CELSR2: variants seen among roughly 807,000 people sequenced by gnomAD.
CELSR2 encodes the protein EGF-like protein 2.
In CELSR2, 81 loss-of-function variants were observed where a neutral mutation model predicts 251.6. The observed-to-expected ratio is 0.32, with a 90% CI of 0.27 to 0.39. The LOEUF (loss-of-function observed/expected upper bound fraction) is 0.39, where lower values mean the gene tolerates loss of function less well. Among genes scored for constraint, CELSR2 ranks in the 10% least tolerant of loss-of-function variants. The pLI, the probability that CELSR2 is intolerant of heterozygous loss-of-function variation, is 1.00. For missense variants in CELSR2, 3,365 were observed against 3,947.7 expected, an observed-to-expected ratio of 0.85 and a Z score of 3.96; for synonymous variants, 1,721 against 1,670.5, an observed-to-expected ratio of 1.03 and a Z score of -0.74.
In CELSR2 at chr1:109,251,635, C is replaced by A; in HGVS notation, c.1556C>A (p.Pro519His). 1 of 1,613,848 alleles carries A rather than the reference C, an allele frequency of 6.2e-7. No homozygotes were observed. Among genetic ancestry groups the A allele is most frequent in the Non-Finnish European group, 8.5e-7 (1 of 1,179,892 alleles). Reference sequence around the variant, plus strand: ...CAGGCTACTGTCCTGGAGAGTGTCCCCTTAGGCTACCTGGTTCTCCATGTC... The same window carrying A: ...CAGGCTACTGTCCTGGAGAGTGTCCACTTAGGCTACCTGGTTCTCCATGTC... ...PFQATVLESVPLGYLVLHVQA... is the reference protein window; with the variant it reads ...PFQATVLESVHLGYLVLHVQA... Residue 519 changes from proline to histidine, a missense_variant, in exon 1 of 34, where the codon CCC becomes CAC. Coordinates refer to ENST00000271332, the MANE Select transcript of CELSR2 (RefSeq NM_001408.3). The surrounding 1 kb of genome is among the most constrained non-coding windows in gnomAD (Gnocchi z 4.9).
At chr1:109,264,813 A>AC (rs1297372820) in intron 11 of CELSR2, 55 bp from the exon 12 acceptor site, 6 of 1,612,460 alleles carry the variant, frequency 3.7e-6, no homozygotes, top group Non-Finnish European at 5.1e-6. Flanking sequence ...GTTTGATGGA[A>AC]GATGGTGCCA....
Position 109,272,902 on chromosome 1 carries a change from A to G in CELSR2, c.8213A>G (p.His2738Arg), listed in dbSNP as rs1217116741. ...CAGAGTGGCTCCTATGCCTCTACCC[A>G]CTCATCAGACAGTGAGGAGGAAGAA... ...DDQSGSYASTHSSDSEEEEEE... is the reference protein window; with the variant it reads ...DDQSGSYASTRSSDSEEEEEE... Residue 2738 changes from histidine (H) to arginine (R), a missense_variant, in exon 31 of 34, where the codon CAC becomes CGC. By Grantham distance (29) the His-to-Arg change is conservative. Coordinates refer to ENST00000271332, the MANE Select transcript of CELSR2 (RefSeq NM_001408.3). 3 of 1,613,652 alleles carry G rather than the reference A, an allele frequency of 1.9e-6. No homozygotes were observed. The highest frequency in any genetic ancestry group is 2.7e-5 in the African/African-American group (2 of 74,896).
At chr1:109,260,050 C>G (rs377009028) in intron 2 of CELSR2, among the ~76,000 whole-genome samples, 2 of 151,440 alleles carry the variant, frequency 1.3e-5, no homozygotes. Flanking sequence ...ACTCCTTCCC[C>G]GCTGCATCTT....
At chr1:109,255,918 GC>G (rs1231231359) in intron 1 of CELSR2, among the ~76,000 whole-genome samples, 4 of 152,232 alleles carry the variant, frequency 2.6e-5, no homozygotes, top group African/African-American at 9.6e-5. Flanking sequence ...TGGGAGAGGG[GC>G]CCAGGCGGGG....
chr1:109,265,949 C>T (rs1656174201), intron 14 of CELSR2, 31 bp downstream of exon 14: 3 of 1,602,204 alleles, frequency 1.9e-6, no homozygotes, highest in South Asian at 1.1e-5. Context: ...GGGCAGCCCT[C>T]CTTACAGTGT....
rs577116852 is a variant in CELSR2 at position 109,270,964 on chromosome 1, C to A, written c.7521C>A (p.Asn2507Lys). 1.2e-6 allele frequency: 2 copies of A among 1,614,038 alleles called. No individual in the cohort carries two copies. The highest frequency in any genetic ancestry group is 2.2e-5 in the South Asian group (2 of 91,076). ...AVGLDPEGYGNPDFCWLSIYD... is the reference protein window; with the variant it reads ...AVGLDPEGYGKPDFCWLSIYD... ...GCCTGGACCCCGAGGGCTACGGGAA[C>A]CCTGACTTCTGCTGGCTCTCCATCT... The change falls in exon 25 of 34, where the codon AAC becomes AAA. Residue 2507 changes from asparagine (N) to lysine (K), a missense_variant. Asn to Lys is a moderately conservative substitution (Grantham distance 94, BLOSUM62 0). This residue lies in a region of CELSR2 where 2,093 missense variants were observed against 2,382.8 expected (regional missense o/e 0.88). Transcript: ENST00000271332.
intron 25 of CELSR2, 70 bp downstream of exon 25, chr1:109,271,109 C>G: frequency 1.3e-6 from 2 of 1,514,288 alleles, no homozygotes; most frequent in African/African-American, 1.4e-5. Flanking sequence ...GCTGGGGCCG[C>G]GTGTCCTCAG....
In CELSR2 at chr1:109,262,929, A is replaced by G. The variant is rs1208751200; in HGVS notation, c.4668A>G (p.Ile1556Met). The G allele has an allele frequency of 6.2e-7, 1 of 1,613,844 alleles. No homozygotes were observed. The highest frequency in any genetic ancestry group is 8.5e-7 in the Non-Finnish European group (1 of 1,179,990). The change falls in exon 7 of 34, where the codon ATA becomes ATG. Residue 1556 changes from isoleucine (I) to methionine (M), a missense_variant. Ile to Met is a conservative substitution (Grantham distance 10). Transcript: ENST00000271332. Reference protein sequence around the residue: ...MRNLQVDSRHIDMADFIANNG... With the variant: ...MRNLQVDSRHMDMADFIANNG... Reference sequence around the variant, plus strand: ...ACCTGCAGGTGGACAGCCGGCACATAGACATGGCTGACTTCATTGCCAACA... The same window carrying G: ...ACCTGCAGGTGGACAGCCGGCACATGGACATGGCTGACTTCATTGCCAACA...
At chr1:109,267,041 A>G (rs1373643234) in intron 15 of CELSR2, among the ~76,000 whole-genome samples, 1 of 152,110 alleles carries the variant, frequency 6.6e-6, no homozygotes, top group Non-Finnish European at 1.5e-5. Flanking sequence ...ACTCTTAACA[A>G]AAATGCTGAA....
chr1:109,270,577 G>T lies in CELSR2; in HGVS notation c.7460G>T (p.Trp2487Leu). Residue 2487 changes from tryptophan to leucine, a missense_variant, in exon 24 of 34, where the codon TGG becomes TTG. Trp to Leu is a moderately conservative substitution (Grantham distance 61, BLOSUM62 -2). This residue lies in a region of CELSR2 where 2,093 missense variants were observed against 2,382.8 expected (regional missense o/e 0.88). Coordinates refer to ENST00000271332, the MANE Select transcript of CELSR2 (RefSeq NM_001408.3). ...ATGCGCTTCTACTACATGCTGGGCT[G>T]GGGCGTGCCTGCCTTCATCACAGGT... ...GPMRFYYMLG[W>L]GVPAFITGLA... 6.2e-7 allele frequency: 1 copy of T among 1,614,074 alleles called. No individual in the cohort carries two copies.
intron 11 of CELSR2, 96 bp from the exon 12 acceptor site, chr1:109,264,772 A>G: frequency 1.9e-6 from 3 of 1,597,556 alleles, no homozygotes; most frequent in Non-Finnish European, 2.6e-6. Context: ...GCCAGCTGAT[A>G]GGATGCTATG....
chr1:109,271,160 G>T lies in CELSR2; in HGVS notation c.7597-57G>T, dbSNP rs913665860. On this transcript the variant is annotated intron_variant, in intron 25 of 33. Transcript: ENST00000271332. ...CAGCTGAGGCCACGGGGCCCTGTGG[G>T]CTGGGTGGAAGCTGTTTGTCCCCAC... The T allele has an allele frequency of 2.5e-6, 4 of 1,571,646 alleles. No homozygotes were observed. In the South Asian group the frequency reaches 4.4e-5, roughly 17 times the overall value.
intron 15 of CELSR2, 100 bp from the exon 16 acceptor site, chr1:109,267,448 C>T (rs1656231734): frequency 1.6e-5 from 17 of 1,067,808 alleles, no homozygotes; most frequent in Middle Eastern, 2.9e-4. Context: ...TTACTGTCCC[C>T]GGCCCATGAG....
chr1:109,251,565 C>G lies in CELSR2; in HGVS notation c.1486C>G (p.Leu496Val). ...CTCTGGCTTGGTGACAGTACAGGTC[C>G]TGGATATCAACGACAATGCCCCCAT... ...NVSGLVTVQVLDINDNAPIFV... is the reference protein window; with the variant it reads ...NVSGLVTVQVVDINDNAPIFV... Residue 496 changes from leucine (L) to valine (V), a missense_variant, in exon 1 of 34, where the codon CTG becomes GTG. This residue lies in a region of CELSR2 where 704 missense variants were observed against 784.1 expected (regional missense o/e 0.90). Coordinates refer to ENST00000271332, the MANE Select transcript of CELSR2 (RefSeq NM_001408.3). The surrounding 1 kb of genome is among the most constrained non-coding windows in gnomAD (Gnocchi z 4.9). 1 of 1,613,794 alleles carries G rather than the reference C, an allele frequency of 6.2e-7. No homozygotes were observed. Among genetic ancestry groups the G allele is most frequent in the Non-Finnish European group, 8.5e-7 (1 of 1,180,022 alleles).
At chr1:109,263,572 G>T (rs1357563334) in intron 8 of CELSR2, 39 bp from the exon 9 acceptor site, 1 of 1,606,524 alleles carries the variant, frequency 6.2e-7, no homozygotes, top group East Asian at 2.2e-5. Flanking sequence ...GCCCTCTGAG[G>T]CTCCACCCGT....
chr1:109,271,106 C>A (rs1656359185), intron 25 of CELSR2, 67 bp downstream of exon 25: 1 of 1,515,328 alleles, frequency 6.6e-7, no homozygotes, highest in Admixed American at 1.7e-5. Flanking sequence ...GCTGCTGGGG[C>A]CGCGTGTCCT....
rs763054728 is a variant in CELSR2, at chr1:109,267,835, G to A, written c.6109-16G>A. ...TTCCTGCCCTCACTCCTGCTCCTCC[G>A]CTCCGTCCTGTCTAGGCTGAGCGGC... On this transcript the variant is annotated splice_polypyrimidine_tract_variant and intron_variant, in intron 16 of 33. Transcript: ENST00000271332. The A allele has an allele frequency of 2.0e-5, 32 of 1,593,512 alleles. No homozygotes were observed. Among genetic ancestry groups the A allele is most frequent in the African/African-American group, 5.4e-5 (4 of 74,716 alleles).
At position 109,250,910 on chromosome 1, in the gene CELSR2, C is replaced by G; in HGVS notation, c.831C>G (p.Ile277Met). Residue 277 changes from isoleucine to methionine, a missense_variant, in exon 1 of 34, where the codon ATC becomes ATG. Around this residue, in one of 5 missense-constraint regions of CELSR2, gnomAD observed 704 missense variants for 784.1 expected, o/e 0.90. Coordinates refer to ENST00000271332, the MANE Select transcript of CELSR2 (RefSeq NM_001408.3). The surrounding 1 kb of genome is among the most constrained non-coding windows in gnomAD (Gnocchi z 4.4). Reference sequence around the variant, plus strand: ...GAAGTGCCCTGGCTACACTCACCATCTTGGTTACTGACACCAATGACCATG... The same window carrying G: ...GAAGTGCCCTGGCTACACTCACCATGTTGGTTACTGACACCAATGACCATG... ...PRRSALATLTILVTDTNDHDP... is the reference protein window; with the variant it reads ...PRRSALATLTMLVTDTNDHDP... 6.2e-7 allele frequency: 1 copy of G among 1,613,944 alleles called. No individual in the cohort carries two copies. The highest frequency in any genetic ancestry group is 8.5e-7 in the Non-Finnish European group (1 of 1,180,040).
Position 109,268,562 on chromosome 1 carries a change from G to T in CELSR2, c.6319-19G>T, listed in dbSNP as rs368341855. ...GGTGTGGGTTGTGAGCACACCCACC[G>T]TGACCTTGCCCACCCCAGAATCTGC... On this transcript the variant is annotated intron_variant, in intron 17 of 33. Coordinates refer to ENST00000271332, the MANE Select transcript of CELSR2 (RefSeq NM_001408.3). 14 of 1,593,590 alleles carry T rather than the reference G, an allele frequency of 8.8e-6. No homozygotes were observed. The highest frequency in any genetic ancestry group is 1.8e-4 in the Middle Eastern group (1 of 5,668).
Sources: allele counts gnomAD v4.1 joint callset (sites outside exome capture counted in the v4.1 genomes callset), GRCh38; gene constraint gnomAD v4.1.1; regional missense constraint gnomAD v4.1.1; non-coding constraint Gnocchi (gnomAD v3.1); transcripts MANE v1.5; gene names NCBI Gene and HGNC (gene_info 2026-07-23, HGNC 2026-07-21).